The following POLR1D variants were observed in gnomAD, a reference collection of about 807,000 sequenced individuals.
POLR1D encodes RNA polymerase I and III subunit D.
A neutral mutation model predicts 10.8 loss-of-function variants in POLR1D; 8 were observed. The ratio of observed to expected loss-of-function variants is 0.74; its 90% CI spans 0.43 to 1.33. The LOEUF (loss-of-function observed/expected upper bound fraction) is 1.33, where lower values mean the gene tolerates loss of function less well. Among genes scored for constraint, POLR1D ranks in the 40% most tolerant of loss-of-function variants. POLR1D has a pLI of 0.01. For missense variants in POLR1D, 152 were observed against 161.7 expected (o/e 0.94, Z 0.32); for synonymous variants, 54 against 57.2 (o/e 0.94, Z 0.25).
upstream of POLR1D, chr13:27,621,755 G>T: frequency 2.8e-6 from 1 of 361,798 alleles, no homozygotes. Flanking sequence ...GAGCCGCGGG[G>T]CCGCGAGCCA....
intron 1 of POLR1D, among the ~76,000 whole-genome samples, chr13:27,635,997 A>G (rs1234003091): frequency 6.6e-6 from 1 of 152,118 alleles, no homozygotes; most frequent in Non-Finnish European, 1.5e-5. Context: ...GAGGTGTTTT[A>G]GGGACTATAT....
intron 2 of POLR1D, among the ~76,000 whole-genome samples, chr13:27,655,305 AT>A (rs1175502375): frequency 2.6e-5 from 4 of 152,248 alleles, no homozygotes; most frequent in African/African-American, 9.6e-5. Flanking sequence ...AATTGTAGGC[AT>A]CTTGATACTT....
Position 27,632,910 on chromosome 13 carries a change from T to C in POLR1D, c.26+10901T>C, listed in dbSNP as rs570701567. The stretch of plus-strand genomic sequence containing the variant: ...AAATGAATGAATAGCAGATTGACTC[T>C]GTATTGTTTTTACATTAAATACCCC... On this transcript the variant is annotated intron_variant, in intron 1 of 2. Coordinates refer to the POLR1D transcript ENST00000399697. Among the ~76,000 whole-genome samples, 49 of 152,338 alleles carry C rather than the reference T, an allele frequency of 3.2e-4. No individual in the cohort carries two copies. In the South Asian group the frequency reaches 9.9e-3, roughly 31 times the overall value.
intron 2 of POLR1D, among the ~76,000 whole-genome samples, chr13:27,659,487 C>T (rs979800408): frequency 6.6e-6 from 1 of 152,120 alleles, no homozygotes; most frequent in Non-Finnish European, 1.5e-5. Flanking sequence ...CCCTGGCTAG[C>T]GAATTGCTGA....
chr13:27,634,675 CT>C (rs369618281), intron 1 of POLR1D, among the ~76,000 whole-genome samples: 438 of 124,962 alleles, frequency 3.5e-3, no homozygotes, highest in African/African-American at 7.6e-3. Flanking sequence ...ATAGACTCTG[CT>C]TTTTTTTTTT....
intron 2 of POLR1D, among the ~76,000 whole-genome samples, chr13:27,652,911 CTTTT>C (rs71083685): frequency 2.2e-5 from 2 of 89,334 alleles, no homozygotes; most frequent in East Asian, 3.6e-4. Flanking sequence ...TTTACCATTT[CTTTT>C]TTTTTTTTTT....
intron 2 of POLR1D, among the ~76,000 whole-genome samples, chr13:27,655,263 CAT>C (rs1410669358): frequency 6.6e-6 from 1 of 152,192 alleles, no homozygotes; most frequent in Non-Finnish European, 1.5e-5. Context: ...AATACACAAA[CAT>C]ATAATTCTTG....
chr13:27,627,747 T>TTTC (rs1566142752), downstream of POLR1D, among the ~76,000 whole-genome samples: 30 of 135,124 alleles, frequency 2.2e-4, 2 homozygotes, highest in Non-Finnish European at 2.9e-4. Flanking sequence ...TTTTTTTTTT[T>TTTC]TTTGTCCCAT....
chr13:27,662,015 T>A (rs971130725), intron 2 of POLR1D, among the ~76,000 whole-genome samples: 4 of 152,254 alleles, frequency 2.6e-5, no homozygotes, highest in Admixed American at 6.5e-5. Flanking sequence ...CCAAAACTTT[T>A]AAATTTTAAC....
At chr13:27,643,918 G>C (rs1477492469) in intron 1 of POLR1D, among the ~76,000 whole-genome samples, 2 of 152,194 alleles carry the variant, frequency 1.3e-5, no homozygotes, top group African/African-American at 2.4e-5. Context: ...ATCAAGAAGA[G>C]AGTAGTCTTA....
chr13:27,625,250 C>T (rs1036840323), downstream of POLR1D, among the ~76,000 whole-genome samples: 2 of 152,036 alleles, frequency 1.3e-5, no homozygotes, highest in Non-Finnish European at 2.9e-5. Flanking sequence ...ATGACGTCTT[C>T]TTTACTTTGA....
upstream of POLR1D, chr13:27,621,630 A>C: frequency 5.8e-6 from 1 of 171,008 alleles, no homozygotes; most frequent in Non-Finnish European, 1.2e-5. Flanking sequence ...ACCTGGGGAA[A>C]GGTACCAGAG....
At chr13:27,665,773 T>A in exon 3 of POLR1D, 2 of 1,613,758 alleles carry the variant, frequency 1.2e-6, no homozygotes, top group Non-Finnish European at 1.7e-6. Flanking sequence ...AGCAAGACCA[T>A]GAACAAAAAG....
intron 2 of POLR1D, among the ~76,000 whole-genome samples, chr13:27,653,131 G>A (rs1956281481): frequency 6.7e-6 from 1 of 149,974 alleles, no homozygotes; most frequent in South Asian, 2.1e-4. Flanking sequence ...TGGAACTCCT[G>A]ACCTAGTGAT....
chr13:27,645,006 C>A (rs899210667), intron 1 of POLR1D, among the ~76,000 whole-genome samples: 1 of 152,178 alleles, frequency 6.6e-6, no homozygotes, highest in Admixed American at 6.5e-5. Context: ...CTGACTTTCT[C>A]CCCTTAATTT....
chr13:27,645,959 G>T lies in POLR1D; in HGVS notation c.27-2420G>T, dbSNP rs564520051. Among the ~76,000 whole-genome samples, 15 of 152,208 alleles carry T rather than the reference G, an allele frequency of 9.9e-5. No homozygotes were observed. In the South Asian group the frequency reaches 1.0e-3, roughly 11 times the overall value. On this transcript the variant is annotated intron_variant, in intron 1 of 2. Transcript: ENST00000399697. ...GAAAGCACCTAGAATATGCCTTCAG[G>T]GTCTCTGCAAGAATCTTTACTGAGT...
downstream of POLR1D, among the ~76,000 whole-genome samples, chr13:27,627,839 G>A (rs567666105): frequency 1.4e-5 from 2 of 146,332 alleles, no homozygotes; most frequent in African/African-American, 5.1e-5. Flanking sequence ...CAGGTATAAT[G>A]TAAGGAGGGC....
intron 2 of POLR1D, chr13:27,665,581 A>T (rs927925024): frequency 9.5e-7 from 1 of 1,054,136 alleles, no homozygotes. Flanking sequence ...CAGAAACTCG[A>T]TTCTGTGGGA....
intron 2 of POLR1D, among the ~76,000 whole-genome samples, chr13:27,656,523 G>T (rs1956309682): frequency 6.6e-6 from 1 of 152,178 alleles, no homozygotes; most frequent in Non-Finnish European, 1.5e-5. Flanking sequence ...TCTAATGGGG[G>T]TGGGAGTGCA....
Sources: gnomAD v4.1 joint callset for allele counts (sites outside exome capture counted in the v4.1 genomes callset) on GRCh38, gnomAD v4.1.1 for gene constraint, MANE v1.5 for transcripts, NCBI Gene and HGNC (gene_info 2026-07-23, HGNC 2026-07-21) for gene names.